WDR62: variants seen among roughly 807,000 people sequenced by gnomAD.
WDR62 encodes the protein WD repeat-containing protein 62.
In WDR62, 112 loss-of-function variants were observed where a neutral mutation model predicts 160.6. That is an observed-to-expected ratio of 0.70 (90% CI 0.60 to 0.82). WDR62 has a LOEUF of 0.82. Among genes scored for constraint, WDR62 ranks in the 40% least tolerant of loss-of-function variants. The pLI, the probability that WDR62 is intolerant of heterozygous loss-of-function variation, is 0.00. For synonymous variants in WDR62, 792 were observed against 815.1 expected (o/e 0.97, Z 0.48); for missense variants, 1,819 against 1,983.8 (o/e 0.92, Z 1.58).
intron 1 of WDR62, among the ~76,000 whole-genome samples, chr19:36,056,930 G>A (rs1970403517): frequency 1.3e-5 from 2 of 151,512 alleles, no homozygotes; most frequent in African/African-American, 4.9e-5. Flanking sequence ...CCTGCCTCAA[G>A]CCTCCTGAGT....
intron 2 of WDR62, chr19:36,059,122 G>A: frequency 1.6e-6 from 1 of 641,636 alleles, no homozygotes; most frequent in Non-Finnish European, 3.0e-6. Context: ...TTCTGGGAAA[G>A]ACAGGTGATT....
At chr19:36,099,684 T>C in intron 22 of WDR62, 67 bp downstream of exon 22, 3 of 1,501,676 alleles carry the variant, frequency 2.0e-6, no homozygotes, top group Non-Finnish European at 2.8e-6. Context: ...CCTGGCGCCT[T>C]AGGCTGACTC....
chr19:36,074,716 G>A (rs1164961542), intron 9 of WDR62, among the ~76,000 whole-genome samples: 3 of 152,104 alleles, frequency 2.0e-5, no homozygotes, highest in South Asian at 2.1e-4. Context: ...TGGGGCTGAC[G>A]TTTTTGTTGA....
chr19:36,065,681 G>C (rs1392930362), intron 3 of WDR62, among the ~76,000 whole-genome samples: 2 of 152,246 alleles, frequency 1.3e-5, no homozygotes, highest in African/African-American at 4.8e-5. Flanking sequence ...CACTGCGGCA[G>C]AGGGAGAAGA....
At chr19:36,062,080 G>A (rs539465203) in intron 3 of WDR62, 5 of 152,174 alleles carry the variant, frequency 3.3e-5, no homozygotes, top group African/African-American at 1.2e-4. Context: ...CCAGGTGGCT[G>A]GGACCACAGG....
In WDR62 at chr19:36,101,239, G is replaced by A. The variant is rs1348740879; in HGVS notation, c.2893G>A (p.Ala965Thr). Residue 965 changes from alanine (A) to threonine (T), a missense_variant, in exon 24 of 32, where the codon GCC becomes ACC. Physicochemically the swap from Ala to Thr is moderately conservative, Grantham distance 58 (BLOSUM62 0). Transcript: ENST00000401500. ...CCAGTATTGCAGGAAGGAGGTGGAG[G>A]CCGGGCCTGGAGACCAGCAGGGCGA... ...DSQYCRKEVE[A>T]GPGDQQGDSY... 1 of 1,613,120 alleles carries A rather than the reference G, an allele frequency of 6.2e-7. No homozygotes were observed. Among genetic ancestry groups the A allele is most frequent in the South Asian group, 1.1e-5 (1 of 90,676 alleles).
In WDR62 at chr19:36,076,820, A is replaced by G. The variant is rs553187609; in HGVS notation, c.1233+3289A>G. Among the ~76,000 whole-genome samples the G allele has an allele frequency of 1.2e-3, 186 of 152,296 alleles. 1 individual carries two copies. The highest frequency in any genetic ancestry group is 4.3e-3 in the African/African-American group (180 of 41,560). On this transcript the variant is annotated intron_variant, in intron 9 of 31. Transcript: ENST00000401500. ...AAGATAGTTAAAACAATTGTAATGC[A>G]TATGTTCTCTCTGTTCTCTCCAATT...
At position 36,103,731 on chromosome 19, in the gene WDR62, G is replaced by A. The variant is rs887739162; in HGVS notation, c.3903G>A (p.Leu1301=). 3.1e-6 allele frequency: 5 copies of A among 1,611,318 alleles called. No homozygotes were observed. The highest frequency in any genetic ancestry group is 2.2e-5 in the East Asian group (1 of 44,864). ...CCCGGGCCAACCTGAGACTGACCCT[G>A]TCAAGTGCCTGTGATGGGCTCCTGC... ...HEARANLRLT[L]SSACDGLLQP... Residue 1301 remains leucine, a synonymous_variant, in exon 30 of 32, where the codon CTG becomes CTA. Coordinates refer to ENST00000401500, the MANE Select transcript of WDR62 (RefSeq NM_001083961.2).
At chr19:36,055,726 G>GAA (rs1433171136) in intron 1 of WDR62, among the ~76,000 whole-genome samples, 6 of 152,210 alleles carry the variant, frequency 3.9e-5, no homozygotes, top group Non-Finnish European at 8.8e-5. Flanking sequence ...AGGGCGTACA[G>GAA]AACAGTTCCC....
chr19:36,059,026 GC>G, intron 2 of WDR62, 155 bp downstream of exon 2: 1 of 732,380 alleles, frequency 1.4e-6, no homozygotes, highest in Non-Finnish European at 2.5e-6. Flanking sequence ...GGATTCCATA[GC>G]CCCCTCTCTG....
At position 36,100,895 on chromosome 19, in the gene WDR62, A is replaced by C. The variant is rs1973289826; in HGVS notation, c.2867+20A>C. On this transcript the variant is annotated intron_variant, in intron 23 of 31. Coordinates refer to ENST00000401500, the MANE Select transcript of WDR62 (RefSeq NM_001083961.2). ...AGACAGGTGGGTGTCCTTTCCACCA[A>C]GGGAGCCTTAGTTGGAGGAACCCCC... 6.2e-7 allele frequency: 1 copy of C among 1,613,994 alleles called. No homozygotes were observed. The highest frequency in any genetic ancestry group is 1.7e-5 in the Admixed American group (1 of 60,028).
intron 1 of WDR62, among the ~76,000 whole-genome samples, chr19:36,056,159 C>G (rs1291503152): frequency 6.6e-6 from 1 of 152,160 alleles, no homozygotes; most frequent in East Asian, 1.9e-4. Context: ...GAGTGAGACT[C>G]TGTCTCAAAA....
At chr19:36,083,276 C>G (rs923493124) in intron 11 of WDR62, 35 bp downstream of exon 11, 13 of 1,564,136 alleles carry the variant, frequency 8.3e-6, no homozygotes, top group African/African-American at 1.4e-5. Context: ...GTGTACACCT[C>G]CCAGCTCCAG....
chr19:36,089,090 TC>T lies in WDR62; in HGVS notation c.1822del (p.Arg608AlafsTer18). The T allele has an allele frequency of 6.2e-7, 1 of 1,614,044 alleles. No homozygotes were observed. Among genetic ancestry groups the T allele is most frequent in the Non-Finnish European group, 8.5e-7 (1 of 1,179,984 alleles). On this transcript the variant is annotated frameshift_variant, in exon 14 of 32. Coordinates refer to ENST00000401500, the MANE Select transcript of WDR62 (RefSeq NM_001083961.2). LOFTEE classifies it high-confidence loss of function. ...SCGADKSIYF[R>X]SAQQGSDGLH... Reference sequence around the variant, plus strand: ...GTGGGGCTGACAAGAGCATCTACTTTCGCAGTGCCCAGCAGGTAGGGTGGCA... The same window carrying T: ...GTGGGGCTGACAAGAGCATCTACTTTGCAGTGCCCAGCAGGTAGGGTGGCA...
intron 7 of WDR62, among the ~76,000 whole-genome samples, chr19:36,068,915 C>T (rs1166040886): frequency 6.6e-6 from 1 of 152,182 alleles, no homozygotes; most frequent in African/African-American, 2.4e-5. Context: ...GGGCTCCTCA[C>T]TTCCCAGAAG....
chr19:36,060,197 C>A, intron 3 of WDR62, 167 bp downstream of exon 3: 1 of 707,316 alleles, frequency 1.4e-6, no homozygotes. Context: ...GCTGGGGACA[C>A]AGCAGTGACC....
intron 25 of WDR62, 72 bp from the exon 26 acceptor site, chr19:36,101,942 C>G: frequency 6.2e-7 from 1 of 1,609,400 alleles, no homozygotes; most frequent in Non-Finnish European, 8.5e-7. Context: ...GGCCCGCTTT[C>G]TCCATTTCAG....
At chr19:36,102,227 G>A (rs1051832597) in intron 26 of WDR62, 76 bp downstream of exon 26, 11 of 1,606,752 alleles carry the variant, frequency 6.8e-6, no homozygotes, top group Non-Finnish European at 9.4e-6. Flanking sequence ...CCTGGAGTTG[G>A]CTCCCCAGCA....
At position 36,102,949 on chromosome 19, in the gene WDR62, T is replaced by C; in HGVS notation, c.3337T>C (p.Phe1113Leu). The C allele has an allele frequency of 6.2e-7, 1 of 1,614,070 alleles. No individual in the cohort carries two copies. Residue 1113 changes from phenylalanine to leucine, a missense_variant and splice_region_variant, in exon 28 of 32, where the codon TTC becomes CTC. Phe to Leu is a conservative substitution (Grantham distance 22). This residue lies in a region of WDR62 where 770 missense variants were observed against 734.2 expected (regional missense o/e 1.05). Transcript: ENST00000401500. ...FLSSLQKASR[F>L]THTFPPRATQ... is the part of the protein sequence containing the mutation. ...TCCCCCCTGCTCTCCTCCCCACAGGTTCACCCATACCTTCCCTCCCCGGGC... is the reference window on the plus strand; with the variant it reads ...TCCCCCCTGCTCTCCTCCCCACAGGCTCACCCATACCTTCCCTCCCCGGGC...
Sources: gnomAD v4.1 joint callset for allele counts (sites outside exome capture counted in the v4.1 genomes callset) on GRCh38, gnomAD v4.1.1 for gene constraint, gnomAD v4.1.1 regional missense constraint, MANE v1.5 for transcripts, NCBI Gene and HGNC (gene_info 2026-07-23, HGNC 2026-07-21) for gene names.